Variants in MAMDC2 observed in about 807,000 individuals in gnomAD.
MAMDC2 encodes the protein MAM domain containing 2.
MAMDC2 carries 57 observed loss-of-function variants against 89.8 expected under a neutral mutation model. That is an observed-to-expected ratio of 0.63 (90% CI 0.51 to 0.79). MAMDC2 has a LOEUF of 0.79. Among genes scored for constraint, MAMDC2 ranks in the 30% least tolerant of loss-of-function variants. MAMDC2 has a pLI of 0.00. For synonymous variants in MAMDC2, 313 were observed against 293.4 expected (o/e 1.07, Z -0.68); for missense variants, 800 against 820.6 (o/e 0.97, Z 0.31).
intron 2 of MAMDC2, among the ~76,000 whole-genome samples, chr9:70,088,009 T>C (rs1030115149): frequency 1.3e-5 from 2 of 152,120 alleles, no homozygotes; most frequent in African/African-American, 4.8e-5. Context: ...TTGGAGGCAA[T>C]GGGTAGAAAC....
rs570442599 is a variant in MAMDC2 at position 70,136,123 on chromosome 9, C to T, written c.995-4022C>T. The stretch of plus-strand genomic sequence containing the variant: ...CCAAGATTGCACCAGTGCACTCCAG[C>T]CTGGACCACAAAGTGGGACCCTTTC... On this transcript the variant is annotated intron_variant, in intron 7 of 13. Transcript: ENST00000377182. Among the ~76,000 whole-genome samples, 4 of 152,290 alleles carry T rather than the reference C, an allele frequency of 2.6e-5. No individual in the cohort carries two copies. The East Asian group carries it at 5.8e-4, about 22-fold the overall frequency.
intron 2 of MAMDC2, among the ~76,000 whole-genome samples, chr9:70,083,225 C>G (rs774383389): frequency 1.6e-4 from 24 of 152,212 alleles, no homozygotes; most frequent in Non-Finnish European, 3.2e-4. Flanking sequence ...CACTGTTGCC[C>G]TCCCTTCTCT....
chr9:70,218,732 A>C (rs2033497669), intron 12 of MAMDC2, 136 bp downstream of exon 12: 2 of 972,606 alleles, frequency 2.1e-6, no homozygotes, highest in East Asian at 5.3e-5. Context: ...AGAGGGAGTA[A>C]ACATAATTAG....
intron 7 of MAMDC2, among the ~76,000 whole-genome samples, chr9:70,131,906 C>A (rs1420467213): frequency 4.6e-5 from 7 of 152,222 alleles, no homozygotes; most frequent in Non-Finnish European, 8.8e-5. Flanking sequence ...CACACTCACT[C>A]CATCTTTCTC....
intron 11 of MAMDC2, among the ~76,000 whole-genome samples, chr9:70,208,965 A>G (rs997704996): frequency 6.6e-6 from 1 of 152,212 alleles, no homozygotes; most frequent in African/African-American, 2.4e-5. Flanking sequence ...CCAGCCTTGC[A>G]TCCCAGGGAT....
intron 2 of MAMDC2, among the ~76,000 whole-genome samples, chr9:70,100,124 T>C (rs1828143516): frequency 6.6e-6 from 1 of 151,892 alleles, no homozygotes; most frequent in Non-Finnish European, 1.5e-5. Flanking sequence ...AGGATGCTGA[T>C]CATCTAACTG....
chr9:70,171,437 C>T (rs2032343917), intron 11 of MAMDC2, among the ~76,000 whole-genome samples: 1 of 151,910 alleles, frequency 6.6e-6, no homozygotes. Flanking sequence ...GAGGTCAGGG[C>T]TACAGTGAGC....
intron 2 of MAMDC2, among the ~76,000 whole-genome samples, chr9:70,075,731 T>C (rs1474015619): frequency 2.0e-5 from 3 of 152,130 alleles, no homozygotes; most frequent in Non-Finnish European, 4.4e-5. Context: ...TACAATTACA[T>C]GTGTATGAAA....
chr9:70,141,078 C>T (rs1209912085), intron 8 of MAMDC2, among the ~76,000 whole-genome samples: 2 of 152,174 alleles, frequency 1.3e-5, no homozygotes, highest in Non-Finnish European at 2.9e-5. Flanking sequence ...TACCGTGGAG[C>T]TGGTGAAGCT....
chr9:70,102,831 C>T (rs1828231045), intron 2 of MAMDC2, among the ~76,000 whole-genome samples: 2 of 152,238 alleles, frequency 1.3e-5, no homozygotes, highest in African/African-American at 4.8e-5. Context: ...ATCCTTCCCT[C>T]TCCTCCTGAT....
chr9:70,200,005 T>A (rs564653652), intron 11 of MAMDC2, among the ~76,000 whole-genome samples: 1 of 152,158 alleles, frequency 6.6e-6, no homozygotes, highest in Non-Finnish European at 1.5e-5. Flanking sequence ...GTAGGTTGCC[T>A]ATTCACTCTG....
chr9:70,115,006 G>A (rs182382256), intron 5 of MAMDC2, among the ~76,000 whole-genome samples: 1 of 152,290 alleles, frequency 6.6e-6, no homozygotes, highest in African/African-American at 2.4e-5. Context: ...GTGCTACAAG[G>A]GGTGGATGGT....
chr9:70,086,156 T>A (rs959070869), intron 2 of MAMDC2: 3 of 152,262 alleles, frequency 2.0e-5, no homozygotes, highest in African/African-American at 7.2e-5. Context: ...ATACACTTTT[T>A]AAAAATTTGA....
chr9:70,214,045 G>A (rs1253400733), intron 11 of MAMDC2, among the ~76,000 whole-genome samples: 1 of 152,098 alleles, frequency 6.6e-6, no homozygotes, highest in East Asian at 1.9e-4. Flanking sequence ...TATGTTCCAA[G>A]CACTGTTCTA....
chr9:70,184,084 G>A (rs2225128), intron 11 of MAMDC2, among the ~76,000 whole-genome samples: 140,091 of 152,268 alleles, frequency 0.92, 64,529 homozygotes, highest in East Asian at 0.98. Flanking sequence ...TGGTGGTGAC[G>A]AAATCCTTCA....
intron 2 of MAMDC2, among the ~76,000 whole-genome samples, chr9:70,104,546 G>A (rs1828282418): frequency 1.3e-5 from 2 of 152,122 alleles, no homozygotes; most frequent in African/African-American, 2.4e-5. Context: ...CAATCCAAAT[G>A]TCCATCAACT....
intron 11 of MAMDC2, among the ~76,000 whole-genome samples, chr9:70,205,802 G>A (rs1376437704): frequency 6.6e-6 from 1 of 152,048 alleles, no homozygotes; most frequent in Non-Finnish European, 1.5e-5. Flanking sequence ...TTCAATACTG[G>A]GGCTTCCTGG....
intron 7 of MAMDC2, among the ~76,000 whole-genome samples, chr9:70,139,657 A>G (rs1205449115): frequency 1.3e-5 from 2 of 152,162 alleles, no homozygotes; most frequent in East Asian, 1.9e-4. Flanking sequence ...GGCTGAGTCA[A>G]TTGGTAATTC....
chr9:70,097,031 G>A lies in MAMDC2; in HGVS notation c.149-11180G>A, dbSNP rs145599937. ...TGAGTCAACTAGGAAGGAAGAAGTC[G>A]GACATGATCTGTCCCATGTGGTCTT... On this transcript the variant is annotated intron_variant, in intron 2 of 13. Coordinates refer to ENST00000377182, the MANE Select transcript of MAMDC2 (RefSeq NM_153267.5). Among the ~76,000 whole-genome samples, 534 of 152,228 alleles carry A rather than the reference G, an allele frequency of 3.5e-3. 4 individuals carry two copies. The highest frequency in any genetic ancestry group is 0.012 in the African/African-American group (498 of 41,536).
Sources: allele counts gnomAD v4.1 joint callset (sites outside exome capture counted in the v4.1 genomes callset), GRCh38; gene constraint gnomAD v4.1.1; transcripts MANE v1.5; gene names NCBI Gene and HGNC (gene_info 2026-07-23, HGNC 2026-07-21).